PPP3CA: variants seen among roughly 807,000 people sequenced by gnomAD.
PPP3CA encodes protein phosphatase 3 catalytic subunit alpha.
Under a neutral mutation model 66.5 loss-of-function variants are expected in PPP3CA, and 14 were observed. The observed-to-expected ratio is 0.21, with a 90% CI of 0.14 to 0.33. The LOEUF (loss-of-function observed/expected upper bound fraction) is 0.33. Among genes scored for constraint, PPP3CA ranks in the 10% least tolerant of loss-of-function variants. The probability of loss-of-function intolerance (pLI) is 1.00; values close to 1 mark genes in which losing one functional copy is unlikely to be tolerated. For synonymous variants in PPP3CA, 232 were observed against 226.2 expected (o/e 1.03, Z -0.23); for missense variants, 317 against 639.5 (o/e 0.50, Z 5.44).
At chr4:101,227,987 T>C (rs1377971685) in intron 1 of PPP3CA, among the ~76,000 whole-genome samples, 1 of 151,712 alleles carries the variant, frequency 6.6e-6, no homozygotes, top group Non-Finnish European at 1.5e-5. Flanking sequence ...GGGATCTAGG[T>C]TGACTTCATG....
chr4:101,287,187 C>CA (rs924795718), intron 1 of PPP3CA, among the ~76,000 whole-genome samples: 54 of 150,120 alleles, frequency 3.6e-4, no homozygotes, highest in African/African-American at 1.0e-3. Flanking sequence ...AACTGACAGA[C>CA]AAAAAAAAAT....
intron 2 of PPP3CA, among the ~76,000 whole-genome samples, chr4:101,111,807 A>G (rs1156835614): frequency 6.6e-6 from 1 of 152,192 alleles, no homozygotes; most frequent in Non-Finnish European, 1.5e-5. Context: ...TAACAAGCTT[A>G]GAAGAGTTTC....
rs756328481 is a variant in PPP3CA, at chr4:101,195,934, T to C, written c.241A>G (p.Ile81Val). 14 of 1,613,820 alleles carry C rather than the reference T, an allele frequency of 8.7e-6. No homozygotes were observed. Among genetic ancestry groups the C allele is most frequent in the Middle Eastern group, 1.6e-4 (1 of 6,080 alleles). Residue 81 changes from isoleucine (I) to valine (V), a missense_variant, in exon 2 of 14, where the codon ATT (isoleucine) becomes GTT (valine). Coordinates refer to ENST00000394854, the MANE Select transcript of PPP3CA (RefSeq NM_000944.5). Reference protein sequence around the residue: ...ILRQEKNLLDIDAPVTVCGDI... With the variant: ...ILRQEKNLLDVDAPVTVCGDI... ...GACTTACCAGTGACTGGCGCATCAATATCCAGCAAATTTTTTTCCTGTCGA... is the reference window on the plus strand; with the variant it reads ...GACTTACCAGTGACTGGCGCATCAACATCCAGCAAATTTTTTTCCTGTCGA...
intron 2 of PPP3CA, among the ~76,000 whole-genome samples, chr4:101,124,343 G>A (rs559646028): frequency 6.6e-6 from 1 of 152,190 alleles, no homozygotes; most frequent in South Asian, 2.1e-4. Context: ...ATGTTGGGCT[G>A]GGTGTGGTGG....
chr4:101,264,469 AAGAAAAAAT>A (rs2110259241), intron 1 of PPP3CA, among the ~76,000 whole-genome samples: 1 of 115,714 alleles, frequency 8.6e-6, no homozygotes, highest in Non-Finnish European at 2.0e-5. Flanking sequence ...AGTTAACAAA[AAGAAAAAAT>A]TAAAATAAAA....
chr4:101,149,139 T>C (rs1723055515), intron 2 of PPP3CA, among the ~76,000 whole-genome samples: 1 of 152,160 alleles, frequency 6.6e-6, no homozygotes, highest in Non-Finnish European at 1.5e-5. Flanking sequence ...TAACATAAAC[T>C]GTTAAACTCT....
chr4:101,059,370 TCTC>T (rs1728361809), intron 10 of PPP3CA, among the ~76,000 whole-genome samples: 1 of 152,062 alleles, frequency 6.6e-6, no homozygotes, highest in Non-Finnish European at 1.5e-5. Flanking sequence ...ATGTTGCACA[TCTC>T]CTTGCGATGT....
chr4:101,259,419 T>C (rs894251159), intron 1 of PPP3CA, among the ~76,000 whole-genome samples: 4 of 152,074 alleles, frequency 2.6e-5, no homozygotes, highest in African/African-American at 4.8e-5. Context: ...AGGAGATCGA[T>C]AAATCCCAGT....
chr4:101,302,570 G>A (rs779709102), intron 1 of PPP3CA, among the ~76,000 whole-genome samples: 1 of 152,108 alleles, frequency 6.6e-6, no homozygotes, highest in Non-Finnish European at 1.5e-5. Flanking sequence ...CACTCTTGTT[G>A]CCCAGGCTGG....
chr4:101,114,075 T>C (rs1219991743), intron 2 of PPP3CA, among the ~76,000 whole-genome samples: 1 of 152,122 alleles, frequency 6.6e-6, no homozygotes, highest in Non-Finnish European at 1.5e-5. Context: ...AGAATGCTGG[T>C]GGGTGGGGTA....
intron 10 of PPP3CA, among the ~76,000 whole-genome samples, chr4:101,057,195 C>T (rs115794458): frequency 0.015 from 2,327 of 151,970 alleles, 58 homozygotes; most frequent in African/African-American, 0.052. Flanking sequence ...GCTAGGAATA[C>T]GGATGTGCAC....
intron 10 of PPP3CA, among the ~76,000 whole-genome samples, chr4:101,055,184 G>C (rs1054125235): frequency 3.3e-5 from 5 of 152,042 alleles, no homozygotes; most frequent in Non-Finnish European, 5.9e-5. Context: ...AATGCTTACT[G>C]TTTCTCCAGA....
At chr4:101,215,269 A>T (rs1022620654) in intron 1 of PPP3CA, among the ~76,000 whole-genome samples, 3 of 152,064 alleles carry the variant, frequency 2.0e-5, no homozygotes, top group Non-Finnish European at 4.4e-5. Flanking sequence ...AAATAAATGC[A>T]AATTGCCATG....
At chr4:101,315,980 T>A (rs1361135247) in intron 1 of PPP3CA, among the ~76,000 whole-genome samples, 1 of 151,982 alleles carries the variant, frequency 6.6e-6, no homozygotes, top group Non-Finnish European at 1.5e-5. Context: ...ATCCTCAAGG[T>A]CTAAAATGGC....
At position 101,023,909 on chromosome 4, in the gene PPP3CA, C is replaced by A. The variant is rs1410107271; in HGVS notation, c.*1956G>T. On this transcript the variant is annotated 3_prime_UTR_variant, in exon 14 of 14. Transcript: ENST00000394854. ...AGATAGTAGCTGAAGCGTGGGTATA[C>A]AAATTTCTTGTTAATACAAATGCAA... The A allele has an allele frequency of 1.3e-5, 2 of 152,576 alleles. No individual in the cohort carries two copies. Among genetic ancestry groups the A allele is most frequent in the Admixed American group, 1.3e-4 (2 of 15,280 alleles). 9.5% of individuals were successfully genotyped at this position (152,576 alleles called of 1,614,324 possible). A position where few individuals can be genotyped will look rare whatever the true frequency, so the allele number is the denominator to read the frequency against.
At chr4:101,344,435 C>A (rs1024454192) in intron 1 of PPP3CA, among the ~76,000 whole-genome samples, 1 of 152,118 alleles carries the variant, frequency 6.6e-6, no homozygotes, top group African/African-American at 2.4e-5. Flanking sequence ...AACAGTGTAT[C>A]CACCTTAAAA....
intron 2 of PPP3CA, among the ~76,000 whole-genome samples, chr4:101,142,069 A>G (rs997298615): frequency 2.0e-5 from 3 of 151,942 alleles, no homozygotes; most frequent in Non-Finnish European, 2.9e-5. Context: ...AAAAAAAAGA[A>G]GAAGTTATTG....
At position 101,312,377 on chromosome 4, in the gene PPP3CA, T is replaced by C. The variant is rs146226027; in HGVS notation, c.58+34362A>G. On this transcript the variant is annotated intron_variant, in intron 1 of 13. Transcript: ENST00000394854. ...TGTATATAAATTATAACTTAAATTA[T>C]GTAACATAAGACATATATAGAAAGC... Among the ~76,000 whole-genome samples the C allele has an allele frequency of 3.0e-3, 452 of 152,158 alleles. 4 individuals carry two copies. Among genetic ancestry groups the C allele is most frequent in the African/African-American group, 0.01 (430 of 41,564 alleles).
intron 10 of PPP3CA, among the ~76,000 whole-genome samples, chr4:101,058,949 GT>G (rs1260118428): frequency 4.6e-5 from 7 of 151,974 alleles, no homozygotes; most frequent in Non-Finnish European, 5.9e-5. Context: ...TTACATTTTT[GT>G]TCTCTATATC....
Sources: allele counts gnomAD v4.1 joint callset (sites outside exome capture counted in the v4.1 genomes callset), GRCh38; gene constraint gnomAD v4.1.1; transcripts MANE v1.5; gene names NCBI Gene and HGNC (gene_info 2026-07-23, HGNC 2026-07-21).